The following CYP4F2 variants were observed in gnomAD, a reference collection of about 807,000 sequenced individuals.
The protein encoded by CYP4F2 is cytochrome P450 4F2.
A neutral mutation model predicts 58.9 loss-of-function variants in CYP4F2; 58 were observed. That is an observed-to-expected ratio of 0.98 (90% CI 0.80 to 1.23). The LOEUF is 1.23. Ranked by LOEUF, CYP4F2 falls within the 50% of genes most tolerant of loss-of-function variation. The pLI is 0.00. For synonymous variants in CYP4F2, 287 were observed against 261.1 expected (o/e 1.10, Z -0.95); for missense variants, 616 against 685.6 (o/e 0.90, Z 1.13).
chr19:15,879,344 AC>A lies in CYP4F2; in HGVS notation c.1397+1del. On this transcript the variant is annotated splice_donor_variant, in intron 12 of 12. Coordinates refer to ENST00000221700, the MANE Select transcript of CYP4F2 (RefSeq NM_001082.5). LOFTEE classifies it high-confidence loss of function. ...CCCACCTCAGACACAGGCCGCCCTT[AC>A]CTGGGCCCTGCCGAGAAGGGAATAA... 6.2e-7 allele frequency: 1 copy of A among 1,614,010 alleles called. No individual in the cohort carries two copies. Among genetic ancestry groups the A allele is most frequent in the Admixed American group, 1.7e-5 (1 of 60,008 alleles).
intron 3 of CYP4F2, chr19:15,893,848 G>A (rs983567560): frequency 1.2e-5 from 3 of 258,156 alleles, no homozygotes; most frequent in African/African-American, 4.6e-5. Context: ...GCCAGGCTTT[G>A]TGTGTATAGG....
chr19:15,897,992 AC>A (rs3093096), intron 1 of CYP4F2, 33 bp downstream of exon 1: 67 of 218,836 alleles, frequency 3.1e-4, no homozygotes, highest in South Asian at 5.2e-4. Context: ...CCAGGCCAGG[AC>A]CCCCCCCAGG....
intron 3 of CYP4F2, among the ~76,000 whole-genome samples, 158 bp from the exon 4 acceptor site, chr19:15,892,740 G>A (rs1202638073): frequency 6.6e-6 from 1 of 152,160 alleles, no homozygotes; most frequent in East Asian, 1.9e-4. Flanking sequence ...AGGATGGGGA[G>A]GGGAGGGAAG....
chr19:15,885,966 A>G lies in CYP4F2; in HGVS notation c.1073T>C (p.Val358Ala). ...CTCACGGTCCTTCAGAAGTTCTTGC[A>G]CCTCCTGCCGGCAGCGCTCCTGGTA... The part of the protein sequence containing the change: ...PEYQERCRQE[V>A]QELLKDREPK... Residue 358 changes from valine (V) to alanine (A), a missense_variant, in exon 9 of 13, where the codon GTG (valine) becomes GCG (alanine). Coordinates refer to ENST00000221700, the MANE Select transcript of CYP4F2 (RefSeq NM_001082.5). 1 of 1,613,780 alleles carries G rather than the reference A, an allele frequency of 6.2e-7. No individual in the cohort carries two copies. The highest frequency in any genetic ancestry group is 8.5e-7 in the Non-Finnish European group (1 of 1,179,962).
chr19:15,886,501 G>T, intron 7 of CYP4F2, 193 bp from the exon 8 acceptor site: 1 of 616,778 alleles, frequency 1.6e-6, no homozygotes. Context: ...CTTCCTCTCT[G>T]GCTTCCTTGC....
Position 15,879,684 on chromosome 19 carries a change from G to C in CYP4F2, c.1250-16C>G. On this transcript the variant is annotated splice_polypyrimidine_tract_variant and intron_variant, in intron 10 of 12. Coordinates refer to ENST00000221700, the MANE Select transcript of CYP4F2 (RefSeq NM_001082.5). The stretch of plus-strand genomic sequence containing the variant: ...CAGATAATGCCTGTGGGAGAGAAGG[G>C]AGCAGTCAGGAGAAGGCCTCCTTCA... 1.2e-6 allele frequency: 2 copies of C among 1,614,180 alleles called. No homozygotes were observed. The highest frequency in any genetic ancestry group is 1.1e-5 in the South Asian group (1 of 91,084).
chr19:15,881,837 C>T (rs1408231743), intron 9 of CYP4F2, among the ~76,000 whole-genome samples: 1 of 151,806 alleles, frequency 6.6e-6, no homozygotes, highest in East Asian at 1.9e-4. Flanking sequence ...ATTTTGTTTG[C>T]CACAACATGA....
chr19:15,892,219 C>T, intron 5 of CYP4F2, 90 bp downstream of exon 5: 1 of 1,577,722 alleles, frequency 6.3e-7, no homozygotes, highest in Non-Finnish European at 8.6e-7. Context: ...GGCCCAATGG[C>T]ACCCAGCAGA....
intron 5 of CYP4F2, among the ~76,000 whole-genome samples, chr19:15,891,733 G>T (rs756021491): frequency 6.6e-6 from 1 of 152,112 alleles, no homozygotes; most frequent in African/African-American, 2.4e-5. Context: ...GCGCCTTCTG[G>T]AAGGAGACAA....
In CYP4F2 at chr19:15,890,370, G is replaced by C. The variant is rs1319053521; in HGVS notation, c.589C>G (p.Leu197Val). ...ACLDMFEHISLMTLDSLQKCV... is the reference protein window; with the variant it reads ...ACLDMFEHISVMTLDSLQKCV... ...TTCTGTAGACTGTCCAAGGTCATGA[G>C]GCTGATGTGCTCAAACATATCCAAA... Residue 197 changes from leucine (L) to valine (V), a missense_variant, in exon 6 of 13, where the codon CTC becomes GTC. Leu to Val is a conservative substitution (Grantham distance 32). Transcript: ENST00000221700. The C allele has an allele frequency of 1.9e-6, 3 of 1,614,166 alleles. No individual in the cohort carries two copies.
At chr19:15,886,150 A>T in intron 8 of CYP4F2, 92 bp downstream of exon 8, 1 of 1,606,582 alleles carries the variant, frequency 6.2e-7, no homozygotes, top group Non-Finnish European at 8.5e-7. Context: ...GGATGGGGGA[A>T]GGGGGATGGG....
intron 7 of CYP4F2, 127 bp downstream of exon 7, chr19:15,889,296 T>C (rs773623382): frequency 2.2e-5 from 34 of 1,555,508 alleles, no homozygotes; most frequent in Non-Finnish European, 2.9e-5. Context: ...CTCTGACCTG[T>C]CCCTCCCTTC....
chr19:15,894,067 G>T (rs2089433754), intron 3 of CYP4F2, among the ~76,000 whole-genome samples: 1 of 152,088 alleles, frequency 6.6e-6, no homozygotes, highest in Admixed American at 6.5e-5. Context: ...CAGTTACACA[G>T]ACAGAAAAGG....
intron 7 of CYP4F2, among the ~76,000 whole-genome samples, chr19:15,887,289 T>C (rs2089385974): frequency 6.8e-6 from 1 of 146,640 alleles, no homozygotes; most frequent in African/African-American, 2.5e-5. Context: ...CACACACATA[T>C]AGACTAAGTC....
At chr19:15,890,262 C>T in intron 6 of CYP4F2, 50 bp downstream of exon 6, 1 of 1,613,054 alleles carries the variant, frequency 6.2e-7, no homozygotes, top group South Asian at 1.1e-5. Flanking sequence ...CTCCCACCTA[C>T]CCACTTTGGG....
chr19:15,879,562 G>A (rs202116862), intron 11 of CYP4F2, 42 bp downstream of exon 11: 7 of 1,612,636 alleles, frequency 4.3e-6, no homozygotes, highest in Non-Finnish European at 5.9e-6. Flanking sequence ...CCCTCCTCTA[G>A]GAGCCTTGGA....
intron 3 of CYP4F2, among the ~76,000 whole-genome samples, chr19:15,895,135 C>T (rs2145014945): frequency 6.6e-6 from 1 of 152,318 alleles, no homozygotes; most frequent in East Asian, 1.9e-4. Context: ...GCCTTCCAGC[C>T]TGCCCCAGCA....
At chr19:15,886,352 A>G (rs1300691282) in intron 7 of CYP4F2, 44 bp from the exon 8 acceptor site, 1 of 1,481,180 alleles carries the variant, frequency 6.8e-7, no homozygotes, top group African/African-American at 1.4e-5. Context: ...ACCCCCATAA[A>G]AAGTCACACT....
rs907635238 is a variant in CYP4F2, at chr19:15,893,867, T to C, written c.344-1285A>G. 7.5e-6 allele frequency: 2 copies of C among 265,058 alleles called. 1 individual carries two copies. The highest frequency in any genetic ancestry group is 1.6e-5 in the Non-Finnish European group (2 of 128,904). The allele number at this position is 265,058 out of a possible 1,614,324, so 16.4% of individuals were successfully genotyped here. On this transcript the variant is annotated intron_variant, in intron 3 of 12. Transcript: ENST00000221700. Reference sequence around the variant, plus strand: ...GGCTTTGTGTGTATAGGAGACCTTCTTCTGAGCTGTGAATCTGGAGAAAAA... The same window carrying C: ...GGCTTTGTGTGTATAGGAGACCTTCCTCTGAGCTGTGAATCTGGAGAAAAA...
Sources: gnomAD v4.1 joint callset for allele counts (sites outside exome capture counted in the v4.1 genomes callset) on GRCh38, gnomAD v4.1.1 for gene constraint, MANE v1.5 for transcripts, NCBI Gene and HGNC (gene_info 2026-07-23, HGNC 2026-07-21) for gene names.